GPD1L: variants seen among roughly 807,000 people sequenced by gnomAD.
GPD1L encodes glycerol-3-phosphate dehydrogenase 1-like protein.
In GPD1L, 17 loss-of-function variants were observed where a neutral mutation model predicts 32.9. The ratio of observed to expected loss-of-function variants is 0.52; its 90% CI spans 0.35 to 0.78. The LOEUF (loss-of-function observed/expected upper bound fraction) is 0.78. GPD1L is among the 30% of genes least tolerant of loss of function. The pLI, the probability that GPD1L is intolerant of heterozygous loss-of-function variation, is 0.01. For synonymous variants in GPD1L, 187 were observed against 165.9 expected, an observed-to-expected ratio of 1.13 and a Z score of -0.98; for missense variants, 361 against 447.8, an observed-to-expected ratio of 0.81 and a Z score of 1.75.
At chr3:32,138,421 C>A (rs1700696096) in intron 2 of GPD1L, among the ~76,000 whole-genome samples, 166 bp from the exon 3 acceptor site, 1 of 152,106 alleles carries the variant, frequency 6.6e-6, no homozygotes, top group African/African-American at 2.4e-5. Flanking sequence ...CTTCAGACCC[C>A]CATAAGGAAT....
At chr3:32,160,072 C>T (rs1363483040) in intron 7 of GPD1L, among the ~76,000 whole-genome samples, 2 of 151,896 alleles carry the variant, frequency 1.3e-5, no homozygotes, top group South Asian at 2.1e-4. Context: ...GAAGGAAGGA[C>T]GAGTTAGCCC....
At chr3:32,156,562 T>C (rs1354943610) in intron 5 of GPD1L, among the ~76,000 whole-genome samples, 1 of 152,160 alleles carries the variant, frequency 6.6e-6, no homozygotes, top group Non-Finnish European at 1.5e-5. Context: ...AAGAGAGGGC[T>C]CTGTTCTGTG....
At chr3:32,116,430 A>G (rs570404454) in intron 1 of GPD1L, among the ~76,000 whole-genome samples, 81 of 152,312 alleles carry the variant, frequency 5.3e-4, no homozygotes, top group Non-Finnish European at 8.1e-4. Context: ...TTTGAGTAAC[A>G]TGATTCTGAT....
At chr3:32,109,060 A>T (rs1208296849) in intron 1 of GPD1L, among the ~76,000 whole-genome samples, 1 of 152,154 alleles carries the variant, frequency 6.6e-6, no homozygotes, top group Non-Finnish European at 1.5e-5. Flanking sequence ...CATGTTAGCC[A>T]GGATGGTCTC....
intron 4 of GPD1L, among the ~76,000 whole-genome samples, chr3:32,145,090 A>G (rs1183388443): frequency 2.0e-5 from 3 of 150,158 alleles, no homozygotes; most frequent in African/African-American, 4.9e-5. Context: ...AGGCCAAGGC[A>G]GGTGGATTGC....
At chr3:32,118,702 G>T (rs1443066656) in intron 1 of GPD1L, among the ~76,000 whole-genome samples, 1 of 152,008 alleles carries the variant, frequency 6.6e-6, no homozygotes, top group Non-Finnish European at 1.5e-5. Flanking sequence ...ATATTGAAAA[G>T]AATTAGATCT....
rs1050488712 is a variant in GPD1L at position 32,153,757 on chromosome 3, A to C, written c.619-5119A>C. ...TGCTGGGTGGTGAGAATGTTTATGT[A>C]ACCTGCAGGTAGCATGGGCTGGTTC... On this transcript the variant is annotated intron_variant, in intron 5 of 7. Coordinates refer to ENST00000282541, the MANE Select transcript of GPD1L (RefSeq NM_015141.4). Among the ~76,000 whole-genome samples, 5 of 152,192 alleles carry C rather than the reference A, an allele frequency of 3.3e-5. 1 individual carries two copies. Among genetic ancestry groups the C allele is most frequent in the African/African-American group, 7.2e-5 (3 of 41,444 alleles).
rs1158573082 is a variant in GPD1L at position 32,138,637 on chromosome 3, G to A, written c.276G>A (p.Val92=). ...SEAVQDADLL[V]FVIPHQFIHR... is the part of the protein sequence containing the mutation. ...CTGTGCAGGATGCAGACCTGCTGGT[G>A]TTTGTCATTCCCCACCAGTTCATTC... The change falls in exon 3 of 8, where the codon GTG becomes GTA. Residue 92 remains valine, a synonymous_variant. Coordinates refer to ENST00000282541, the MANE Select transcript of GPD1L (RefSeq NM_015141.4). 4.3e-6 allele frequency: 7 copies of A among 1,613,898 alleles called. No homozygotes were observed. In the Admixed American group the frequency reaches 8.3e-5, roughly 19 times the overall value.
intron 4 of GPD1L, among the ~76,000 whole-genome samples, chr3:32,146,393 A>C (rs1231074629): frequency 6.6e-6 from 1 of 152,014 alleles, no homozygotes; most frequent in Non-Finnish European, 1.5e-5. Context: ...GCCAAAAAAA[A>C]CTTTAGATTC....
intron 1 of GPD1L, among the ~76,000 whole-genome samples, chr3:32,113,636 C>T (rs1473087874): frequency 1.3e-5 from 2 of 152,188 alleles, no homozygotes; most frequent in Non-Finnish European, 2.9e-5. Flanking sequence ...GGCTCAGTCT[C>T]TTCCACAATT....
chr3:32,159,409 T>C (rs1559583190), intron 6 of GPD1L, among the ~76,000 whole-genome samples, 159 bp from the exon 7 acceptor site: 2 of 150,924 alleles, frequency 1.3e-5, no homozygotes, highest in East Asian at 3.9e-4. Flanking sequence ...GGTGGGAGGA[T>C]TGCTTTAGGC....
intron 1 of GPD1L, among the ~76,000 whole-genome samples, chr3:32,115,131 G>T (rs540511011): frequency 6.6e-6 from 1 of 152,118 alleles, no homozygotes; most frequent in African/African-American, 2.4e-5. Flanking sequence ...TGATTGGTCC[G>T]TTTTACAGAG....
intron 4 of GPD1L, among the ~76,000 whole-genome samples, chr3:32,145,721 C>A (rs1364698145): frequency 6.6e-6 from 1 of 152,138 alleles, no homozygotes; most frequent in African/African-American, 2.4e-5. Context: ...CAGTGTTGCA[C>A]AGAGTCACCT....
rs2035548 is a variant in GPD1L at position 32,112,120 on chromosome 3, G to T, written c.47+5362G>T. Among the ~76,000 whole-genome samples the T allele has an allele frequency of 6.9e-4, 105 of 151,940 alleles. 2 individuals are homozygous for T. The East Asian group carries it at 0.014, about 20-fold the overall frequency. On this transcript the variant is annotated intron_variant, in intron 1 of 7. Coordinates refer to ENST00000282541, the MANE Select transcript of GPD1L (RefSeq NM_015141.4). Reference sequence around the variant, plus strand: ...TGGGCTAAGATGAGAAAGTTTGTACGGCTTTTTAAAAAGTAATATTTAATC... The same window carrying T: ...TGGGCTAAGATGAGAAAGTTTGTACTGCTTTTTAAAAAGTAATATTTAATC...
intron 7 of GPD1L, among the ~76,000 whole-genome samples, chr3:32,162,439 G>A (rs1701086166): frequency 1.7e-5 from 1 of 57,878 alleles, no homozygotes; most frequent in Non-Finnish European, 3.0e-5. Flanking sequence ...ACTGCGGACT[G>A]CAGTGGCGCA....
rs74897864 is a variant in GPD1L at position 32,153,507 on chromosome 3, C to A, written c.619-5369C>A. The stretch of plus-strand genomic sequence containing the variant: ...CTAAGGCAGCTTCATATTGGTGCGA[C>A]CGACTAGGTGGGCCAAGTGTGGGCC... On this transcript the variant is annotated intron_variant, in intron 5 of 7. Coordinates refer to ENST00000282541, the MANE Select transcript of GPD1L (RefSeq NM_015141.4). Among the ~76,000 whole-genome samples, 3,509 of 152,316 alleles carry A rather than the reference C, an allele frequency of 0.023. 303 individuals are homozygous for A. The East Asian group carries it at 0.26, about 11-fold the overall frequency.
chr3:32,115,221 A>G (rs1700310442), intron 1 of GPD1L, among the ~76,000 whole-genome samples: 2 of 151,990 alleles, frequency 1.3e-5, no homozygotes, highest in South Asian at 4.2e-4. Flanking sequence ...TCCTTTAGCT[A>G]GACACAGAGT....
rs1701036910 is a variant in GPD1L, at chr3:32,159,004, G to A, written c.747G>A (p.Val249=). The change falls in exon 6 of 8, where the codon GTG becomes GTA. Residue 249 remains valine, a synonymous_variant. Transcript: ENST00000282541. ...CCAGGATCTTCTGCAAAGGCCAAGT[G>A]TCTACAGCCACCTTCCTAGAGAGCT... The part of the protein sequence containing the change: ...AFARIFCKGQ[V]STATFLESCG... The A allele has an allele frequency of 6.2e-7, 1 of 1,613,994 alleles. No homozygotes were observed. The highest frequency in any genetic ancestry group is 8.5e-7 in the Non-Finnish European group (1 of 1,180,046).
chr3:32,140,167 C>G, intron 3 of GPD1L, 61 bp from the exon 4 acceptor site: 1 of 1,567,152 alleles, frequency 6.4e-7, no homozygotes, highest in Admixed American at 1.7e-5. Flanking sequence ...GGGACATCTA[C>G]TATCCCATGC....
Sources: allele counts gnomAD v4.1 joint callset (sites outside exome capture counted in the v4.1 genomes callset), GRCh38; gene constraint gnomAD v4.1.1; transcripts MANE v1.5; gene names NCBI Gene and HGNC (gene_info 2026-07-23, HGNC 2026-07-21).